TG: variants seen among roughly 807,000 people sequenced by gnomAD.
The protein encoded by TG is thyroglobulin.
In TG, 270 loss-of-function variants were observed where a neutral mutation model predicts 324.7. The observed-to-expected ratio is 0.83, with a 90% CI of 0.75 to 0.92. The LOEUF is 0.92. Among genes scored for constraint, TG ranks in the 40% least tolerant of loss-of-function variants. The pLI, the probability that TG is intolerant of heterozygous loss-of-function variation, is 0.00. For missense variants in TG, 3,591 were observed against 3,456.4 expected (o/e 1.04, Z -0.98); for synonymous variants, 1,401 against 1,327.0 (o/e 1.06, Z -1.21).
chr8:133,048,271 A>G (rs1839833269), intron 41 of TG, among the ~76,000 whole-genome samples: 1 of 152,056 alleles, frequency 6.6e-6, no homozygotes, highest in Non-Finnish European at 1.5e-5. Flanking sequence ...CCCAGACTAG[A>G]GAACAGTGGC....
At chr8:133,047,739 G>A (rs2131184494) in intron 41 of TG, 5 of 798,834 alleles carry the variant, frequency 6.3e-6, no homozygotes, top group East Asian at 2.4e-5. Context: ...GGACGTAGGA[G>A]GAAGGAAAAT....
chr8:132,998,641 G>A (rs963067315), intron 35 of TG, among the ~76,000 whole-genome samples: 4 of 152,228 alleles, frequency 2.6e-5, no homozygotes, highest in Admixed American at 2.6e-4. Context: ...TGGGAGCGTA[G>A]AAATCACAGT....
intron 40 of TG, among the ~76,000 whole-genome samples, chr8:133,024,272 G>A (rs1273889169): frequency 6.6e-6 from 1 of 151,930 alleles, no homozygotes; most frequent in Admixed American, 6.6e-5. Flanking sequence ...GTGCTGAACA[G>A]TGTCTGTCTT....
In TG at chr8:133,091,873, CTGTG is replaced by C. The variant is rs1455154833; in HGVS notation, c.7240-3168_7240-3165del. Reference sequence around the variant, plus strand: ...TGTCTGTGTGTGTAAGTGTGTATCTCTGTGTGAGTGTGTCTCTATCTATGACTGT... The same window carrying C: ...TGTCTGTGTGTGTAAGTGTGTATCTCTGAGTGTGTCTCTATCTATGACTGT... On this transcript the variant is annotated intron_variant, in intron 41 of 47. Coordinates refer to ENST00000220616, the MANE Select transcript of TG (RefSeq NM_003235.5). 5.3e-5 allele frequency among the ~76,000 whole-genome samples: 8 copies of C among 151,798 alleles called. No homozygotes were observed. In the East Asian group the frequency reaches 1.5e-3, roughly 29 times the overall value.
intron 40 of TG, among the ~76,000 whole-genome samples, chr8:133,024,336 TTCTTTCTTTC>T (rs1431863951): frequency 2.6e-5 from 3 of 114,010 alleles, no homozygotes; most frequent in Non-Finnish European, 5.5e-5. Flanking sequence ...CTTTCTTTCT[TTCTTTCTTTC>T]TTTCTTTCTT....
At chr8:132,988,097 C>G (rs1165368160) in intron 35 of TG, among the ~76,000 whole-genome samples, 1 of 151,546 alleles carries the variant, frequency 6.6e-6, no homozygotes, top group East Asian at 2.0e-4. Flanking sequence ...CACACACACA[C>G]ACACACGAAA....
Position 132,972,771 on chromosome 8 carries a change from G to T in TG, c.6199+30G>T, listed in dbSNP as rs377164973. The T allele has an allele frequency of 1.4e-4, 227 of 1,613,698 alleles. No individual in the cohort carries two copies. In the East Asian group the frequency reaches 2.6e-3, roughly 19 times the overall value. ...GTACCCTTCTCATGACAGCTATATG[G>T]ACGTCTTTAGTTAACTATTTCCCAG... is the stretch of plus-strand genomic sequence containing the variant. On this transcript the variant is annotated intron_variant, in intron 34 of 47. Coordinates refer to ENST00000220616, the MANE Select transcript of TG (RefSeq NM_003235.5).
chr8:133,120,726 T>A (rs1851077485), intron 45 of TG, among the ~76,000 whole-genome samples: 1 of 152,182 alleles, frequency 6.6e-6, no homozygotes, highest in Non-Finnish European at 1.5e-5. Context: ...CTATAAAGAT[T>A]CTATCTCTAA....
chr8:132,988,335 C>T (rs1357848995), intron 35 of TG, among the ~76,000 whole-genome samples: 2 of 152,124 alleles, frequency 1.3e-5, no homozygotes, highest in East Asian at 1.9e-4. Context: ...GCAGAGGGCA[C>T]TGCATGTGTG....
At chr8:132,967,152 T>TCCATCCAC (rs1828709633) in intron 30 of TG, among the ~76,000 whole-genome samples, 1 of 143,190 alleles carries the variant, frequency 7.0e-6, no homozygotes, top group Non-Finnish European at 1.5e-5. Flanking sequence ...CATCCATCCA[T>TCCATCCAC]CCACCCATCC....
chr8:132,940,779 G>A (rs1824336597), intron 25 of TG, among the ~76,000 whole-genome samples: 1 of 152,204 alleles, frequency 6.6e-6, no homozygotes, highest in Admixed American at 6.5e-5. Context: ...CTTGCAGTTT[G>A]TTGCATTCAG....
intron 15 of TG, among the ~76,000 whole-genome samples, chr8:132,900,899 G>C (rs952474176): frequency 6.6e-6 from 1 of 152,116 alleles, no homozygotes; most frequent in Non-Finnish European, 1.5e-5. Flanking sequence ...AAAGGAAGAC[G>C]CTTTCTTCCA....
intron 2 of TG, among the ~76,000 whole-genome samples, chr8:132,868,529 G>A (rs759832437): frequency 1.2e-4 from 19 of 152,178 alleles, no homozygotes; most frequent in Non-Finnish European, 1.9e-4. Context: ...TAAACGGCAC[G>A]TGTGGGGAGT....
At chr8:132,965,000 C>A in intron 29 of TG, 1 of 692,940 alleles carries the variant, frequency 1.4e-6, no homozygotes, top group Non-Finnish European at 2.6e-6. Context: ...AGCAGGTGTG[C>A]CTTCAGTCCT....
At position 132,976,572 on chromosome 8, in the gene TG, G is replaced by A. The variant is rs1435268048; in HGVS notation, c.6199+3831G>A. 2.0e-5 allele frequency among the ~76,000 whole-genome samples: 3 copies of A among 152,316 alleles called. 1 individual carries two copies. In the South Asian group the frequency reaches 6.2e-4, roughly 32 times the overall value. On this transcript the variant is annotated intron_variant, in intron 34 of 47. Coordinates refer to ENST00000220616, the MANE Select transcript of TG (RefSeq NM_003235.5). ...TCCTGCAATCTCCTCTCCCCAAGCA[G>A]GTGGTCTTTCACACTGTGCACTGCC...
At chr8:132,903,817 C>A (rs1327774102) in intron 16 of TG, among the ~76,000 whole-genome samples, 1 of 152,214 alleles carries the variant, frequency 6.6e-6, no homozygotes, top group Non-Finnish European at 1.5e-5. Flanking sequence ...GTCCCCTAAC[C>A]TCTCTGGATG....
intron 43 of TG, among the ~76,000 whole-genome samples, chr8:133,111,985 G>A (rs1389858749): frequency 1.3e-5 from 2 of 152,206 alleles, no homozygotes; most frequent in East Asian, 3.9e-4. Context: ...CCACCAGAAG[G>A]GGCTGTGTTC....
chr8:133,055,436 C>G (rs534513570), intron 41 of TG, among the ~76,000 whole-genome samples: 1 of 152,000 alleles, frequency 6.6e-6, no homozygotes, highest in Admixed American at 6.6e-5. Flanking sequence ...ACCAATCACA[C>G]AGAGCTGGAC....
chr8:132,969,310 G>C (rs1343943511), intron 31 of TG, 148 bp from the exon 32 acceptor site: 3 of 652,926 alleles, frequency 4.6e-6, no homozygotes, highest in East Asian at 5.5e-5. Flanking sequence ...ATTTTAGTGA[G>C]ATTTGAGTTA....
Sources: allele counts gnomAD v4.1 joint callset (sites outside exome capture counted in the v4.1 genomes callset), GRCh38; gene constraint gnomAD v4.1.1; transcripts MANE v1.5; gene names NCBI Gene and HGNC (gene_info 2026-07-23, HGNC 2026-07-21).